The following PHF21B variants were observed in gnomAD, a reference collection of about 807,000 sequenced individuals.
PHF21B encodes PHD finger protein 21B, also known as PHD finger protein 4.
Under a neutral mutation model 62.2 loss-of-function variants are expected in PHF21B, and 22 were observed. That is an observed-to-expected ratio of 0.35 (90% confidence interval 0.25 to 0.51). The LOEUF is 0.51. Among genes scored for constraint, PHF21B ranks in the 20% least tolerant of loss-of-function variants. The probability of loss-of-function intolerance (pLI) is 0.97; values close to 1 mark genes in which losing one functional copy is unlikely to be tolerated. For synonymous variants in PHF21B, 341 were observed against 314.7 expected, an observed-to-expected ratio of 1.08 and a Z score of -0.88; for missense variants, 701 against 707.9, an observed-to-expected ratio of 0.99 and a Z score of 0.11.
intron 2 of PHF21B, among the ~76,000 whole-genome samples, chr22:44,930,374 A>G (rs1206498096): frequency 6.6e-6 from 1 of 152,232 alleles, no homozygotes; most frequent in Non-Finnish European, 1.5e-5. Context: ...GGTGGAGAAC[A>G]TGTGGAGGCT....
chr22:44,899,222 A>C (rs1235488110), intron 5 of PHF21B, among the ~76,000 whole-genome samples: 1 of 151,918 alleles, frequency 6.6e-6, no homozygotes, highest in African/African-American at 2.4e-5. Context: ...TTTGGGCATA[A>C]TGACAGTTTT....
intron 2 of PHF21B, among the ~76,000 whole-genome samples, chr22:44,946,487 G>T (rs1045561499): frequency 1.3e-5 from 2 of 152,106 alleles, no homozygotes; most frequent in Admixed American, 1.3e-4. Context: ...AGGAAACACG[G>T]AAAGTCCTGT....
intron 5 of PHF21B, among the ~76,000 whole-genome samples, chr22:44,899,282 ATTC>A: frequency 8.1e-6 from 1 of 123,376 alleles, no homozygotes; most frequent in South Asian, 2.6e-4. Context: ...CTCTGTTCTT[ATTC>A]TTTTTTTTTT....
chr22:44,957,158 C>A (rs1188336884), intron 2 of PHF21B, among the ~76,000 whole-genome samples: 1 of 152,224 alleles, frequency 6.6e-6, no homozygotes, highest in East Asian at 1.9e-4. Flanking sequence ...TGTGGCCTCC[C>A]TGGCTGTGGA....
intron 2 of PHF21B, among the ~76,000 whole-genome samples, chr22:44,932,747 C>G (rs2071766589): frequency 6.6e-6 from 1 of 152,266 alleles, no homozygotes; most frequent in Admixed American, 6.5e-5. Flanking sequence ...GCTCCTCTCT[C>G]TGCAGAGGCC....
intron 2 of PHF21B, among the ~76,000 whole-genome samples, chr22:44,999,149 A>G (rs2073169121): frequency 6.6e-6 from 1 of 152,182 alleles, no homozygotes; most frequent in Non-Finnish European, 1.5e-5. Context: ...TGCACCAGCA[A>G]TTTCTCCCCA....
intron 5 of PHF21B, among the ~76,000 whole-genome samples, chr22:44,905,566 A>C (rs1320317323): frequency 6.6e-6 from 1 of 152,232 alleles, no homozygotes; most frequent in Non-Finnish European, 1.5e-5. Flanking sequence ...CAGCCTTGGC[A>C]TGAGATCTCG....
intron 2 of PHF21B, among the ~76,000 whole-genome samples, chr22:44,959,240 T>G (rs1189399075): frequency 6.6e-6 from 1 of 152,194 alleles, no homozygotes; most frequent in Non-Finnish European, 1.5e-5. Context: ...GGTGTGTTGG[T>G]GATGCTGAAT....
At chr22:44,982,659 G>A (rs74989761) in intron 2 of PHF21B, among the ~76,000 whole-genome samples, 10,377 of 152,316 alleles carry the variant, frequency 0.068, 411 homozygotes, top group Middle Eastern at 0.14. Flanking sequence ...AAATGAGGCT[G>A]TCGATTTTAA....
chr22:44,892,034 T>A, intron 7 of PHF21B, among the ~76,000 whole-genome samples: 1 of 152,208 alleles, frequency 6.6e-6, no homozygotes, highest in East Asian at 1.9e-4. Context: ...GGGCCTTGGG[T>A]TGACTCCTGA....
intron 5 of PHF21B, among the ~76,000 whole-genome samples, chr22:44,912,125 C>G (rs1601591527): frequency 6.6e-6 from 1 of 152,366 alleles, no homozygotes; most frequent in Non-Finnish European, 1.5e-5. Context: ...TTTGGAATGG[C>G]TGTATTTACC....
At chr22:44,997,143 AC>A (rs1441718360) in intron 2 of PHF21B, among the ~76,000 whole-genome samples, 1 of 152,094 alleles carries the variant, frequency 6.6e-6, no homozygotes, top group East Asian at 1.9e-4. Context: ...CCCAGAGAAT[AC>A]GCAAAAAGGC....
intron 2 of PHF21B, among the ~76,000 whole-genome samples, chr22:44,960,364 G>A (rs983313631): frequency 3.3e-5 from 5 of 152,096 alleles, no homozygotes; most frequent in African/African-American, 9.7e-5. Flanking sequence ...ATTCTGGGTC[G>A]ACACTGCAGT....
intron 5 of PHF21B, among the ~76,000 whole-genome samples, chr22:44,898,111 T>G (rs2071091540): frequency 6.6e-6 from 1 of 152,182 alleles, no homozygotes; most frequent in African/African-American, 2.4e-5. Context: ...CCCAGCCCTT[T>G]GTTTTCTGTC....
intron 2 of PHF21B, among the ~76,000 whole-genome samples, chr22:44,990,420 T>C (rs1283623687): frequency 1.3e-5 from 1 of 76,580 alleles, no homozygotes; most frequent in Non-Finnish European, 2.8e-5. Context: ...CAAACGTGCA[T>C]TGACGGATGA....
intron 2 of PHF21B, among the ~76,000 whole-genome samples, chr22:44,969,875 T>C (rs757770818): frequency 6.6e-6 from 1 of 152,196 alleles, no homozygotes; most frequent in Non-Finnish European, 1.5e-5. Flanking sequence ...AGAGGTTAAG[T>C]AACTGGCCCA....
At chr22:44,918,619 A>C (rs757312550) in intron 3 of PHF21B, among the ~76,000 whole-genome samples, 1 of 152,208 alleles carries the variant, frequency 6.6e-6, no homozygotes, top group Non-Finnish European at 1.5e-5. Flanking sequence ...GTTGCCCGTG[A>C]GCCACCTGGG....
At chr22:44,971,793 C>T (rs1305074169) in intron 2 of PHF21B, among the ~76,000 whole-genome samples, 1 of 152,206 alleles carries the variant, frequency 6.6e-6, no homozygotes, top group Non-Finnish European at 1.5e-5. Context: ...TGCACTGACC[C>T]CTCCCGCACT....
At chr22:44,929,642 G>T (rs1601610240) in intron 2 of PHF21B, among the ~76,000 whole-genome samples, 1 of 152,240 alleles carries the variant, frequency 6.6e-6, no homozygotes, top group East Asian at 1.9e-4. Flanking sequence ...AAGAGGGCAA[G>T]AACTGCTGTC....
Sources: allele counts gnomAD v4.1 joint callset (sites outside exome capture counted in the v4.1 genomes callset), GRCh38; gene constraint gnomAD v4.1.1; transcripts MANE v1.5; gene names NCBI Gene and HGNC (gene_info 2026-07-23, HGNC 2026-07-21).